Variants in MDGA2 observed in about 807,000 individuals in gnomAD.
The protein encoded by MDGA2 is MAM domain containing glycosylphosphatidylinositol anchor 2.
A neutral mutation model predicts 117.8 loss-of-function variants in MDGA2; 40 were observed. That is an observed-to-expected ratio of 0.34 (90% CI 0.26 to 0.44). The LOEUF (loss-of-function observed/expected upper bound fraction) is 0.44. MDGA2 is among the 20% of genes least tolerant of loss of function. MDGA2 has a pLI of 1.00. For missense variants in MDGA2, 1,123 were observed against 1,250.6 expected (o/e 0.90, Z 1.54); for synonymous variants, 452 against 439.0 (o/e 1.03, Z -0.37).
intron 2 of MDGA2, among the ~76,000 whole-genome samples, chr14:47,254,905 G>A (rs78168817): frequency 0.023 from 3,547 of 152,290 alleles, 65 homozygotes; most frequent in Non-Finnish European, 0.037. Context: ...ATAGCAGCAG[G>A]AGAGAGAAGA....
chr14:47,047,645 T>C (rs1266839005), intron 7 of MDGA2, among the ~76,000 whole-genome samples: 1 of 152,042 alleles, frequency 6.6e-6, no homozygotes, highest in African/African-American at 2.4e-5. Context: ...CATATATTAA[T>C]ATGTTAGTTA....
chr14:47,324,470 TC>T (rs1161044673), intron 1 of MDGA2, among the ~76,000 whole-genome samples: 1 of 152,172 alleles, frequency 6.6e-6, no homozygotes, highest in Admixed American at 6.6e-5. Flanking sequence ...AACTTTTTTT[TC>T]TTTGGTAAAA....
chr14:47,503,875 T>C (rs1487961431), intron 1 of MDGA2, among the ~76,000 whole-genome samples: 2 of 152,204 alleles, frequency 1.3e-5, no homozygotes. Flanking sequence ...ATCTGTGACA[T>C]TCTTTTAAAA....
At chr14:47,641,877 G>A (rs371386262) in intron 1 of MDGA2, among the ~76,000 whole-genome samples, 3 of 152,092 alleles carry the variant, frequency 2.0e-5, no homozygotes, top group Admixed American at 6.5e-5. Flanking sequence ...CATTTGATAG[G>A]GAAGAGATGC....
chr14:47,468,349 C>T (rs1015787406), intron 1 of MDGA2, among the ~76,000 whole-genome samples: 7 of 152,116 alleles, frequency 4.6e-5, no homozygotes, highest in Non-Finnish European at 7.4e-5. Context: ...TCAAAGTAGA[C>T]GGACACATGT....
chr14:47,062,656 A>C (rs1889931055), intron 6 of MDGA2, among the ~76,000 whole-genome samples: 1 of 152,014 alleles, frequency 6.6e-6, no homozygotes, highest in South Asian at 2.1e-4. Context: ...TGATATTGTC[A>C]AAAATGCCAT....
chr14:47,622,926 TTCTA>T (rs1311432265), intron 1 of MDGA2, among the ~76,000 whole-genome samples: 2 of 152,150 alleles, frequency 1.3e-5, no homozygotes, highest in Non-Finnish European at 2.9e-5. Flanking sequence ...TTGTGGACTA[TTCTA>T]TCTAAGTCAG....
chr14:46,867,595 T>A (rs1881826346), intron 14 of MDGA2, among the ~76,000 whole-genome samples: 1 of 152,040 alleles, frequency 6.6e-6, no homozygotes, highest in Non-Finnish European at 1.5e-5. Context: ...TTCTTTACAT[T>A]CCTTCTCTAC....
At chr14:47,340,719 G>A (rs1163240320) in intron 1 of MDGA2, among the ~76,000 whole-genome samples, 1 of 152,122 alleles carries the variant, frequency 6.6e-6, no homozygotes, top group Non-Finnish European at 1.5e-5. Context: ...CAATAGCATG[G>A]CAAATGTCAA....
intron 12 of MDGA2, among the ~76,000 whole-genome samples, chr14:46,875,767 A>G (rs879700755): frequency 2.0e-5 from 3 of 151,656 alleles, no homozygotes; most frequent in Non-Finnish European, 3.0e-5. Context: ...GAATGTTTTC[A>G]GTTATTTAAT....
intron 2 of MDGA2, among the ~76,000 whole-genome samples, chr14:47,282,243 T>TA (rs1888517093): frequency 6.6e-6 from 1 of 152,162 alleles, no homozygotes; most frequent in Non-Finnish European, 1.5e-5. Context: ...CTGGTGTTAT[T>TA]ATATACTAAT....
At chr14:46,867,220 T>G (rs1005143039) in intron 14 of MDGA2, among the ~76,000 whole-genome samples, 3 of 152,096 alleles carry the variant, frequency 2.0e-5, no homozygotes, top group African/African-American at 7.2e-5. Context: ...CCATAAAAAA[T>G]GATGAGTTCA....
intron 1 of MDGA2, among the ~76,000 whole-genome samples, chr14:47,645,195 T>C (rs1277091822): frequency 6.6e-6 from 1 of 152,122 alleles, no homozygotes; most frequent in East Asian, 1.9e-4. Flanking sequence ...ACTAAGACAC[T>C]GTTTCTCTAA....
At chr14:47,533,490 T>C (rs936288922) in intron 1 of MDGA2, among the ~76,000 whole-genome samples, 12 of 152,336 alleles carry the variant, frequency 7.9e-5, no homozygotes, top group South Asian at 4.1e-4. Flanking sequence ...TAAATTCATC[T>C]GGGACTAAGA....
chr14:47,490,056 GTGAT>G (rs1894137932), intron 1 of MDGA2, among the ~76,000 whole-genome samples: 1 of 152,092 alleles, frequency 6.6e-6, no homozygotes, highest in East Asian at 1.9e-4. Flanking sequence ...AATTGAGACA[GTGAT>G]TGCTGCCTTA....
At chr14:47,674,415 C>T in intron 1 of MDGA2, 102 bp downstream of exon 1, 2 of 987,684 alleles carry the variant, frequency 2.0e-6, no homozygotes, top group Non-Finnish European at 3.0e-6. Context: ...TCAAATGCCA[C>T]GCCGGGAGGG....
chr14:47,561,152 T>TTTG (rs770132333), intron 1 of MDGA2, among the ~76,000 whole-genome samples: 41 of 85,992 alleles, frequency 4.8e-4, no homozygotes, highest in South Asian at 1.7e-3. Context: ...TTTTTTTTTT[T>TTTG]GTTTTGTTTT....
chr14:47,348,535 G>A, intron 1 of MDGA2, among the ~76,000 whole-genome samples: 1 of 152,022 alleles, frequency 6.6e-6, no homozygotes, highest in Non-Finnish European at 1.5e-5. Flanking sequence ...AAATGCTTAT[G>A]GTAAATTCAT....
chr14:46,845,742 C>G (rs531492314), intron 16 of MDGA2, 24 bp downstream of exon 16: 22 of 1,461,936 alleles, frequency 1.5e-5, no homozygotes, highest in Middle Eastern at 1.7e-4. Flanking sequence ...TTACAACAAA[C>G]CAATCTCAAG....
Sources: allele counts gnomAD v4.1 joint callset (sites outside exome capture counted in the v4.1 genomes callset), GRCh38; gene constraint gnomAD v4.1.1; transcripts MANE v1.5; gene names NCBI Gene and HGNC (gene_info 2026-07-23, HGNC 2026-07-21).